SYN3: variants seen among roughly 807,000 people sequenced by gnomAD.
SYN3 encodes synapsin-3.
SYN3 carries 35 observed loss-of-function variants against 65.8 expected under a neutral mutation model. That is an observed-to-expected ratio of 0.53 (90% CI 0.41 to 0.70). The LOEUF (loss-of-function observed/expected upper bound fraction) is 0.70, where lower values mean the gene tolerates loss of function less well. Ranked by LOEUF, SYN3 falls within the 30% of genes least tolerant of loss-of-function variation. SYN3 has a pLI of 0.00. For synonymous variants in SYN3, 270 were observed against 292.9 expected, an observed-to-expected ratio of 0.92 and a Z score of 0.80; for missense variants, 680 against 749.0, an observed-to-expected ratio of 0.91 and a Z score of 1.08.
intron 2 of SYN3, among the ~76,000 whole-genome samples, chr22:32,996,152 T>A (rs990005033): frequency 3.9e-5 from 6 of 151,938 alleles, no homozygotes; most frequent in Non-Finnish European, 7.4e-5. Flanking sequence ...TTGGCAAGAG[T>A]ATCCATTCAT....
intron 6 of SYN3, among the ~76,000 whole-genome samples, chr22:32,688,944 T>C (rs2060627765): frequency 1.3e-5 from 2 of 152,236 alleles, no homozygotes; most frequent in South Asian, 2.1e-4. Context: ...GTGTTAGCAC[T>C]GGGGCCTTGG....
At chr22:32,708,242 CT>C in intron 6 of SYN3, among the ~76,000 whole-genome samples, 1 of 152,230 alleles carries the variant, frequency 6.6e-6, no homozygotes, top group African/African-American at 2.4e-5. Flanking sequence ...GTATTTATTA[CT>C]GGCATTGTTT....
chr22:32,905,926 G>A (rs1025338926), intron 4 of SYN3, among the ~76,000 whole-genome samples: 6 of 152,326 alleles, frequency 3.9e-5, no homozygotes, highest in African/African-American at 1.4e-4. Flanking sequence ...CAGAGAGGTC[G>A]GACATTCACA....
At chr22:32,854,004 A>G (rs1313452927) in intron 6 of SYN3, among the ~76,000 whole-genome samples, 1 of 152,220 alleles carries the variant, frequency 6.6e-6, no homozygotes, top group African/African-American at 2.4e-5. Flanking sequence ...TACCTTTAAC[A>G]TCTTTTCCAA....
chr22:33,034,257 T>C (rs978954148), intron 1 of SYN3, among the ~76,000 whole-genome samples: 9 of 151,842 alleles, frequency 5.9e-5, no homozygotes, highest in Non-Finnish European at 1.3e-4. Flanking sequence ...GCTTTCTTTC[T>C]TTCTTTCAAG....
At chr22:32,534,735 C>T (rs924124064) in intron 9 of SYN3, among the ~76,000 whole-genome samples, 2 of 152,202 alleles carry the variant, frequency 1.3e-5, no homozygotes, top group African/African-American at 4.8e-5. Context: ...CGCCTACTCT[C>T]ACATCGCTTT....
chr22:32,733,395 T>C (rs2061296302), intron 6 of SYN3, among the ~76,000 whole-genome samples: 1 of 152,196 alleles, frequency 6.6e-6, no homozygotes, highest in South Asian at 2.1e-4. Flanking sequence ...ATTGTACCCA[T>C]GGAGGAGGAA....
intron 6 of SYN3, among the ~76,000 whole-genome samples, chr22:32,611,899 T>G (rs770116714): frequency 2.0e-5 from 3 of 152,146 alleles, no homozygotes; most frequent in Non-Finnish European, 1.5e-5. Flanking sequence ...GAGGCTTGAA[T>G]CTTTCAGTCC....
At chr22:32,972,847 GA>G (rs78282285) in intron 3 of SYN3, among the ~76,000 whole-genome samples, 99 of 143,754 alleles carry the variant, frequency 6.9e-4, no homozygotes, top group Middle Eastern at 3.5e-3. Flanking sequence ...AAACAAAGAA[GA>G]AAAAAAAAAA....
At chr22:32,609,050 C>G (rs1425109555) in intron 6 of SYN3, among the ~76,000 whole-genome samples, 1 of 151,992 alleles carries the variant, frequency 6.6e-6, no homozygotes, top group Non-Finnish European at 1.5e-5. Context: ...TTGGGCCAGG[C>G]CTGGTGGCTC....
intron 6 of SYN3, among the ~76,000 whole-genome samples, chr22:32,612,120 A>G (rs2059453408): frequency 1.3e-5 from 2 of 152,144 alleles, no homozygotes; most frequent in East Asian, 1.9e-4. Flanking sequence ...ATTTTGCCCT[A>G]TGTTCCTCTT....
chr22:32,875,902 G>C (rs533587859), intron 4 of SYN3, among the ~76,000 whole-genome samples: 132 of 152,300 alleles, frequency 8.7e-4, no homozygotes, highest in African/African-American at 3.2e-3. Context: ...CTTTGTTATA[G>C]CAGCCTCAGG....
intron 6 of SYN3, among the ~76,000 whole-genome samples, chr22:32,738,881 C>G (rs1189147527): frequency 1.3e-5 from 2 of 152,212 alleles, no homozygotes; most frequent in African/African-American, 4.8e-5. Context: ...TGGGACCTCC[C>G]AGGTGAGTGG....
At chr22:32,882,061 A>T (rs992055297) in intron 4 of SYN3, among the ~76,000 whole-genome samples, 3 of 151,926 alleles carry the variant, frequency 2.0e-5, no homozygotes, top group Non-Finnish European at 4.4e-5. Flanking sequence ...CTCAAAAAAA[A>T]AAAAAAAGGA....
Position 32,748,260 on chromosome 22 carries a change from T to G in SYN3, c.711+116655A>C, listed in dbSNP as rs75798685. ...AACAGATAGTAGATACTTATAATTC[T>G]TCATTCAAGAGAGGGTGGCCCAGGA... On this transcript the variant is annotated intron_variant, in intron 6 of 13. Transcript: ENST00000358763. 3.9e-5 allele frequency among the ~76,000 whole-genome samples: 6 copies of G among 152,324 alleles called. No homozygotes were observed. In the East Asian group the frequency reaches 1.2e-3, roughly 29 times the overall value.
chr22:33,006,848 T>A, intron 1 of SYN3, 24 bp from the exon 2 acceptor site: 2 of 551,054 alleles, frequency 3.6e-6, no homozygotes, highest in Non-Finnish European at 6.3e-6. Flanking sequence ...AACAAATACA[T>A]AAGTGGAAAC....
intron 4 of SYN3, among the ~76,000 whole-genome samples, chr22:32,879,892 G>A (rs187776294): frequency 8.7e-4 from 133 of 152,310 alleles, no homozygotes; most frequent in Non-Finnish European, 1.6e-3. Context: ...AATGAGGAGT[G>A]GTGGGAAAAA....
chr22:32,533,051 G>C (rs2058104061), intron 10 of SYN3, among the ~76,000 whole-genome samples: 1 of 151,968 alleles, frequency 6.6e-6, no homozygotes, highest in Admixed American at 6.6e-5. Context: ...GGAAGACATG[G>C]AGGAGAGGTG....
rs551539919 is a variant in SYN3, at chr22:32,701,441, A to G, written c.712-104705T>C. Among the ~76,000 whole-genome samples the G allele has an allele frequency of 7.3e-5, 11 of 150,848 alleles. 1 individual carries two copies. The South Asian group carries it at 2.3e-3, about 32-fold the overall frequency. On this transcript the variant is annotated intron_variant, in intron 6 of 13. Coordinates refer to ENST00000358763, the MANE Select transcript of SYN3 (RefSeq NM_003490.4). ...GAAAAATATAACCCATAACCAGGAG[A>G]AAAATGAATCAACAGAATCAGATCA...
Sources: allele counts gnomAD v4.1 joint callset (sites outside exome capture counted in the v4.1 genomes callset), GRCh38; gene constraint gnomAD v4.1.1; transcripts MANE v1.5; gene names NCBI Gene and HGNC (gene_info 2026-07-23, HGNC 2026-07-21).